Variants in ARHGAP28 observed in about 807,000 individuals in gnomAD.
ARHGAP28 encodes Rho GTPase activating protein 28.
In ARHGAP28, 56 loss-of-function variants were observed where a neutral mutation model predicts 90.7. The ratio of observed to expected loss-of-function variants is 0.62; its 90% CI spans 0.50 to 0.77. The LOEUF (loss-of-function observed/expected upper bound fraction) is 0.77. Among genes scored for constraint, ARHGAP28 ranks in the 30% least tolerant of loss-of-function variants. The pLI is 0.00. For synonymous variants in ARHGAP28, 308 were observed against 323.3 expected, an observed-to-expected ratio of 0.95 and a Z score of 0.51; for missense variants, 869 against 900.9, an observed-to-expected ratio of 0.96 and a Z score of 0.45.
chr18:6,774,073 C>T (rs2143428971), intron 1 of ARHGAP28: 1 of 152,484 alleles, frequency 6.6e-6, no homozygotes, highest in South Asian at 2.1e-4. Flanking sequence ...AGGCGGCCAG[C>T]ACTGTCCTGT....
chr18:6,740,359 C>T (rs1420115026), intron 1 of ARHGAP28, among the ~76,000 whole-genome samples: 1 of 152,150 alleles, frequency 6.6e-6, no homozygotes, highest in Non-Finnish European at 1.5e-5. Flanking sequence ...GCTGTGGAAA[C>T]TCAGACTCCT....
At chr18:6,906,865 G>T (rs1218054248) in intron 16 of ARHGAP28, among the ~76,000 whole-genome samples, 2 of 152,040 alleles carry the variant, frequency 1.3e-5, no homozygotes, top group African/African-American at 4.8e-5. Context: ...TGAAATATTT[G>T]CAAAACCACA....
At chr18:6,886,847 A>G (rs2057225459) in intron 11 of ARHGAP28, among the ~76,000 whole-genome samples, 3 of 152,104 alleles carry the variant, frequency 2.0e-5, no homozygotes, top group South Asian at 2.1e-4. Context: ...CTTCACTTCT[A>G]TTTATAGTAT....
intron 1 of ARHGAP28, among the ~76,000 whole-genome samples, chr18:6,822,395 G>A (rs537891770): frequency 3.3e-5 from 5 of 152,198 alleles, no homozygotes; most frequent in African/African-American, 1.2e-4. Context: ...AAAAGAAGTA[G>A]GTGTTTATAT....
intron 9 of ARHGAP28, chr18:6,874,658 A>G (rs1469297120): frequency 6.6e-6 from 1 of 152,168 alleles, no homozygotes; most frequent in Non-Finnish European, 1.5e-5. Context: ...TTAGCTTCCT[A>G]TATTTTGCTA....
chr18:6,821,651 G>A (rs2056627747), intron 1 of ARHGAP28, among the ~76,000 whole-genome samples: 1 of 152,092 alleles, frequency 6.6e-6, no homozygotes, highest in Non-Finnish European at 1.5e-5. Flanking sequence ...CAAAAATGCT[G>A]TCTGACTTCT....
At chr18:6,826,355 TC>T (rs1161388303) in intron 2 of ARHGAP28, among the ~76,000 whole-genome samples, 13 of 152,246 alleles carry the variant, frequency 8.5e-5, no homozygotes, top group African/African-American at 2.9e-4. Context: ...TTGTTTAAAC[TC>T]CTTATAGATT....
intron 14 of ARHGAP28, 62 bp from the exon 15 acceptor site, chr18:6,894,773 C>A: frequency 6.9e-7 from 1 of 1,455,654 alleles, no homozygotes; most frequent in Non-Finnish European, 9.6e-7. Flanking sequence ...CCAGTTTACA[C>A]TTCCAAAAGC....
At chr18:6,859,708 T>C (rs1299822577) in intron 4 of ARHGAP28, 100 bp from the exon 5 acceptor site, 2 of 1,172,242 alleles carry the variant, frequency 1.7e-6, no homozygotes, top group East Asian at 2.4e-5. Context: ...TAATTGCATA[T>C]ATTGCCACAC....
At chr18:6,730,219 G>GTATATATACATATATATA (rs374482561) in intron 1 of ARHGAP28, 1 of 157,430 alleles carries the variant, frequency 6.4e-6, no homozygotes, top group Admixed American at 8.0e-5. Flanking sequence ...GATAAGTCAT[G>GTATATATACATATATATA]TGTATATATA....
chr18:6,867,697 T>C (rs1167458791), intron 5 of ARHGAP28, among the ~76,000 whole-genome samples: 2 of 152,190 alleles, frequency 1.3e-5, no homozygotes, highest in Non-Finnish European at 2.9e-5. Flanking sequence ...AATTAATATG[T>C]TAATGTTATA....
At chr18:6,859,264 G>T (rs2056978649) in intron 4 of ARHGAP28, among the ~76,000 whole-genome samples, 1 of 152,098 alleles carries the variant, frequency 6.6e-6, no homozygotes, top group Admixed American at 6.5e-5. Context: ...CTTCAGATGG[G>T]TGGCCCATGT....
At chr18:6,855,707 G>A (rs1396665116) in intron 4 of ARHGAP28, among the ~76,000 whole-genome samples, 3 of 152,312 alleles carry the variant, frequency 2.0e-5, no homozygotes, top group African/African-American at 4.8e-5. Context: ...CCAGACCTAG[G>A]GGCTCTCTGA....
chr18:6,839,756 G>A (rs1263134199), intron 3 of ARHGAP28, among the ~76,000 whole-genome samples: 3 of 152,068 alleles, frequency 2.0e-5, no homozygotes, highest in Non-Finnish European at 2.9e-5. Context: ...GTTTCAGGGT[G>A]GTATATTAGA....
intron 10 of ARHGAP28, among the ~76,000 whole-genome samples, chr18:6,879,839 T>C (rs2057163419): frequency 6.6e-6 from 1 of 152,166 alleles, no homozygotes; most frequent in Admixed American, 6.5e-5. Flanking sequence ...TAATATTCCA[T>C]TGTACATTGA....
intron 4 of ARHGAP28, among the ~76,000 whole-genome samples, chr18:6,856,857 T>C: frequency 6.6e-6 from 1 of 152,212 alleles, no homozygotes; most frequent in African/African-American, 2.4e-5. Context: ...TAAGTCTAAT[T>C]ATAGTATGTT....
intron 5 of ARHGAP28, among the ~76,000 whole-genome samples, chr18:6,861,698 A>C (rs2057000076): frequency 6.6e-6 from 1 of 152,194 alleles, no homozygotes; most frequent in African/African-American, 2.4e-5. Flanking sequence ...AGGTGTTTCC[A>C]TGGCAGCTCC....
At position 6,838,321 on chromosome 18, in the gene ARHGAP28, A is replaced by G. The variant is rs986851274; in HGVS notation, c.543+907A>G. Among the ~76,000 whole-genome samples the G allele has an allele frequency of 5.9e-5, 9 of 152,258 alleles. No individual in the cohort carries two copies. In the East Asian group the frequency reaches 7.7e-4, roughly 13 times the overall value. ...TGTCTGATTAATTATAGTATCAATA[A>G]TGGCATACATTAAAACTTCAGGGGT... On this transcript the variant is annotated intron_variant, in intron 3 of 17. Transcript: ENST00000383472.
intron 5 of ARHGAP28, among the ~76,000 whole-genome samples, chr18:6,865,248 ATATTTAGG>A (rs2057029647): frequency 6.6e-6 from 1 of 152,176 alleles, no homozygotes; most frequent in African/African-American, 2.4e-5. Context: ...CATTGTCTTA[ATATTTAGG>A]TATTTAGGTT....
Sources: allele counts gnomAD v4.1 joint callset (sites outside exome capture counted in the v4.1 genomes callset), GRCh38; gene constraint gnomAD v4.1.1; transcripts MANE v1.5; gene names NCBI Gene and HGNC (gene_info 2026-07-23, HGNC 2026-07-21).